The following ZNF573 variants were observed in gnomAD, a reference collection of about 807,000 sequenced individuals.
The protein encoded by ZNF573 is zinc finger protein 573.
In ZNF573, 41 loss-of-function variants were observed where a neutral mutation model predicts 57.4. The ratio of observed to expected loss-of-function variants is 0.71; its 90% CI spans 0.56 to 0.93. The LOEUF is 0.93. Among genes scored for constraint, ZNF573 ranks in the 40% least tolerant of loss-of-function variants. The probability of loss-of-function intolerance (pLI) is 0.00; values close to 1 mark genes in which losing one functional copy is unlikely to be tolerated. For missense variants in ZNF573, 730 were observed against 794.8 expected (o/e 0.92, Z 0.98); for synonymous variants, 249 against 261.0 (o/e 0.95, Z 0.44).
intron 4 of ZNF573, among the ~76,000 whole-genome samples, chr19:37,764,245 T>G (rs2045579539): frequency 6.6e-6 from 1 of 151,816 alleles, no homozygotes; most frequent in Non-Finnish European, 1.5e-5. Flanking sequence ...TATAAACTCA[T>G]TAGGTAATTT....
intron 4 of ZNF573, among the ~76,000 whole-genome samples, chr19:37,764,900 G>A (rs1245235325): frequency 1.4e-5 from 2 of 141,714 alleles, no homozygotes; most frequent in Non-Finnish European, 3.0e-5. Context: ...ACTGTGCCCG[G>A]CCTTTTTTTT....
Position 37,738,957 on chromosome 19 carries a change from T to C in ZNF573, c.1533A>G (p.Gly511=), listed in dbSNP as rs547540724. 11 of 1,610,856 alleles carry C rather than the reference T, an allele frequency of 6.8e-6. No homozygotes were observed. Among genetic ancestry groups the C allele is most frequent in the Admixed American group, 5.0e-5 (3 of 59,964 alleles). Residue 511 remains glycine (G), a synonymous_variant, in exon 5 of 5, where the codon GGA becomes GGG. Coordinates refer to ENST00000536220, the MANE Select transcript of ZNF573 (RefSeq NM_001172690.2). Reference sequence around the variant, plus strand: ...GAATTTTCTGATGTTGATTAAGATATCCATGCAAGCTAAAGGTCTTGCCAC... The same window carrying C: ...GAATTTTCTGATGTTGATTAAGATACCCATGCAAGCTAAAGGTCTTGCCAC... ...KECGKTFSLH[G]YLNQHQKIHT... is the part of the protein sequence containing the mutation.
At chr19:37,754,222 C>G (rs772827376) in intron 4 of ZNF573, among the ~76,000 whole-genome samples, 1 of 151,968 alleles carries the variant, frequency 6.6e-6, no homozygotes, top group Non-Finnish European at 1.5e-5. Flanking sequence ...GCTAGCATAT[C>G]AAATAATTGA....
At chr19:37,741,224 T>C (rs2045324144) in intron 4 of ZNF573, among the ~76,000 whole-genome samples, 1 of 152,028 alleles carries the variant, frequency 6.6e-6, no homozygotes, top group Admixed American at 6.5e-5. Flanking sequence ...TGTCTGTCTC[T>C]CTATCTTTAT....
chr19:37,767,756 CAG>C (rs1392723276), intron 4 of ZNF573, among the ~76,000 whole-genome samples: 1 of 152,102 alleles, frequency 6.6e-6, no homozygotes, highest in Non-Finnish European at 1.5e-5. Flanking sequence ...AAGCAAATCT[CAG>C]GGATGGCATC....
chr19:37,745,037 C>T (rs997077150), intron 4 of ZNF573, among the ~76,000 whole-genome samples: 2 of 151,794 alleles, frequency 1.3e-5, no homozygotes, highest in Non-Finnish European at 2.9e-5. Flanking sequence ...CCACTTTGGC[C>T]TCCCAAAGTG....
At chr19:37,756,236 C>T (rs992136154) in intron 4 of ZNF573, among the ~76,000 whole-genome samples, 2 of 152,188 alleles carry the variant, frequency 1.3e-5, no homozygotes, top group African/African-American at 4.8e-5. Context: ...AAGGAGATTT[C>T]GTGGGCCTGA....
intron 4 of ZNF573, among the ~76,000 whole-genome samples, chr19:37,741,888 T>G (rs1174958966): frequency 6.6e-6 from 1 of 152,140 alleles, no homozygotes; most frequent in African/African-American, 2.4e-5. Flanking sequence ...TCAAGTTGTC[T>G]CTGTTTGCAG....
intron 4 of ZNF573, among the ~76,000 whole-genome samples, chr19:37,751,658 G>GT (rs1170230173): frequency 1.2e-4 from 13 of 106,008 alleles, no homozygotes; most frequent in Non-Finnish European, 2.2e-4. Context: ...ATACAGTATA[G>GT]ACAGCATATA....
In ZNF573 at chr19:37,754,244, G is replaced by A. The variant is rs192347810; in HGVS notation, c.296-14050C>T. 4.6e-5 allele frequency among the ~76,000 whole-genome samples: 7 copies of A among 152,142 alleles called. No individual in the cohort carries two copies. In the East Asian group the frequency reaches 7.7e-4, roughly 17 times the overall value. The stretch of plus-strand genomic sequence containing the variant: ...TATCAAATAATTGAAAAGAATGGCC[G>A]GGCACGGTGGCTCACGCCTGTAATC... On this transcript the variant is annotated intron_variant, in intron 4 of 4. Transcript: ENST00000536220.
Position 37,738,508 on chromosome 19 carries a change from C to T in ZNF573, c.1982G>A (p.Arg661Lys), listed in dbSNP as rs1433105270. 4 of 1,538,388 alleles carry T rather than the reference C, an allele frequency of 2.6e-6. No homozygotes were observed. Among genetic ancestry groups the T allele is most frequent in the East Asian group, 2.3e-5 (1 of 44,404 alleles). Residue 661 changes from arginine to lysine, a missense_variant, in exon 5 of 5, where the codon AGG becomes AAG. Physicochemically the swap from Arg to Lys is conservative, Grantham distance 26. Transcript: ENST00000536220. ...TTTACGGTCTTACACTTTTATGCTC[C>T]TATGAATTCTCTGATGGGCTTTAAG... ...SALKAHQRIHRSIKV is the reference protein window; with the variant it reads ...SALKAHQRIHKSIKV
intron 4 of ZNF573, chr19:37,740,847 T>C (rs2045320701): frequency 3.5e-6 from 1 of 282,466 alleles, no homozygotes; most frequent in South Asian, 3.4e-5. Flanking sequence ...ACATAACCTA[T>C]AAACATCTTC....
At chr19:37,747,956 G>A (rs1296147000) in intron 4 of ZNF573, among the ~76,000 whole-genome samples, 1 of 152,160 alleles carries the variant, frequency 6.6e-6, no homozygotes, top group African/African-American at 2.4e-5. Context: ...AAAGTGCTGG[G>A]ATTACAGGCA....
At chr19:37,749,599 TAAAC>T (rs2045414645) in intron 4 of ZNF573, among the ~76,000 whole-genome samples, 1 of 151,894 alleles carries the variant, frequency 6.6e-6, no homozygotes, top group Non-Finnish European at 1.5e-5. Flanking sequence ...ATGCAACAAA[TAAAC>T]AAAAATAAGA....
chr19:37,777,244 C>T (rs957841874), intron 1 of ZNF573, among the ~76,000 whole-genome samples: 1 of 152,026 alleles, frequency 6.6e-6, no homozygotes, highest in African/African-American at 2.4e-5. Context: ...GAACTCCTGG[C>T]CTTAAGTGAT....
chr19:37,739,600 G>A lies in ZNF573; in HGVS notation c.890C>T (p.Thr297Ile). ...CTCACATATGTATGGCTTCTCATCA[G>A]TATGAAACTGCCCATGTTCAACAAG... ...SNLVEHGQFHTDEKPYICEKC... is the reference protein window; with the variant it reads ...SNLVEHGQFHIDEKPYICEKC... The change falls in exon 5 of 5, where the codon ACT becomes ATT. Residue 297 changes from threonine (T) to isoleucine (I), a missense_variant. Coordinates refer to ENST00000536220, the MANE Select transcript of ZNF573 (RefSeq NM_001172690.2). 1 of 1,613,992 alleles carries A rather than the reference G, an allele frequency of 6.2e-7. No individual in the cohort carries two copies. Among genetic ancestry groups the A allele is most frequent in the East Asian group, 2.2e-5 (1 of 44,862 alleles).
chr19:37,771,413 G>T, intron 3 of ZNF573, 151 bp downstream of exon 3: 1 of 846,864 alleles, frequency 1.2e-6, no homozygotes, highest in Non-Finnish European at 1.8e-6. Context: ...TAGTGGCACA[G>T]CCATTGTCAA....
At chr19:37,770,138 C>G in intron 3 of ZNF573, 41 bp from the exon 4 acceptor site, 1 of 1,437,848 alleles carries the variant, frequency 7.0e-7, no homozygotes, top group Non-Finnish European at 9.4e-7. Context: ...AAAATAAAAA[C>G]AAAAGTAACA....
intron 4 of ZNF573, among the ~76,000 whole-genome samples, chr19:37,769,563 T>C (rs1599706182): frequency 6.6e-6 from 1 of 150,586 alleles, no homozygotes; most frequent in East Asian, 2.0e-4. Flanking sequence ...GTGTCTCTAC[T>C]AAAAATACAA....
Sources: allele counts gnomAD v4.1 joint callset (sites outside exome capture counted in the v4.1 genomes callset), GRCh38; gene constraint gnomAD v4.1.1; transcripts MANE v1.5; gene names NCBI Gene and HGNC (gene_info 2026-07-23, HGNC 2026-07-21).